The following LGR4 variants were observed in gnomAD, a reference collection of about 807,000 sequenced individuals.
The protein encoded by LGR4 is leucine-rich repeat-containing G protein-coupled receptor 4.
In LGR4, 44 loss-of-function variants were observed where a neutral mutation model predicts 84.8. That is an observed-to-expected ratio of 0.52 (90% confidence interval 0.41 to 0.67). The LOEUF is 0.67. Ranked by LOEUF, LGR4 falls within the 30% of genes least tolerant of loss-of-function variation. LGR4 has a pLI of 0.00. For synonymous variants in LGR4, 429 were observed against 434.3 expected (o/e 0.99, Z 0.15); for missense variants, 1,032 against 1,131.4 (o/e 0.91, Z 1.26).
chr11:27,461,715 T>C (rs10835183), intron 1 of LGR4, among the ~76,000 whole-genome samples: 128,895 of 151,756 alleles, frequency 0.85, 55,443 homozygotes, highest in Non-Finnish European at 0.94. Context: ...TCCAGTGTGG[T>C]CCAGGGAAGC....
At position 27,368,609 on chromosome 11, in the gene LGR4, C is replaced by G; in HGVS notation, c.2114G>C (p.Gly705Ala). ...PFPTGETPSL[G>A]FTVTLVLLNS... ...TAATAGCACTAACGTTACAGTGAAT[C>G]CTAATGATGGCGTTTCACCTGTAGG... The change falls in exon 18 of 18, where the codon GGA becomes GCA. Residue 705 changes from glycine to alanine, a missense_variant. By Grantham distance (60) the Gly-to-Ala change is moderately conservative. Transcript: ENST00000379214. 1.9e-6 allele frequency: 3 copies of G among 1,613,830 alleles called. No individual in the cohort carries two copies. Among genetic ancestry groups the G allele is most frequent in the Non-Finnish European group, 2.5e-6 (3 of 1,179,930 alleles).
chr11:27,468,630 G>A (rs1192108752), intron 1 of LGR4, among the ~76,000 whole-genome samples: 1 of 151,664 alleles, frequency 6.6e-6, no homozygotes, highest in East Asian at 1.9e-4. Flanking sequence ...ACTTCTGGAA[G>A]TAAGCAGCAG....
intron 1 of LGR4, among the ~76,000 whole-genome samples, chr11:27,450,682 G>A (rs1249451580): frequency 6.6e-6 from 1 of 152,094 alleles, no homozygotes; most frequent in Admixed American, 6.6e-5. Context: ...CACCTACTCG[G>A]GAGGCTGAGG....
At chr11:27,383,987 G>GA (rs1271828135) in intron 6 of LGR4, among the ~76,000 whole-genome samples, 2 of 152,080 alleles carry the variant, frequency 1.3e-5, no homozygotes, top group Non-Finnish European at 2.9e-5. Context: ...TGAGATCATG[G>GA]AAAAAATAAC....
At position 27,458,378 on chromosome 11, in the gene LGR4, A is replaced by G. The variant is rs149597078; in HGVS notation, c.185+13740T>C. Among the ~76,000 whole-genome samples, 432 of 152,286 alleles carry G rather than the reference A, an allele frequency of 2.8e-3. 1 individual carries two copies. The highest frequency in any genetic ancestry group is 0.01 in the African/African-American group (416 of 41,550). On this transcript the variant is annotated intron_variant, in intron 1 of 17. Transcript: ENST00000379214. Reference sequence around the variant, plus strand: ...TACAGAGAGGCATGGAAATTCATCAAGTGAAGAAATGCTCTATATCTTCAC... The same window carrying G: ...TACAGAGAGGCATGGAAATTCATCAGGTGAAGAAATGCTCTATATCTTCAC...
chr11:27,371,979 C>T (rs750004368), intron 16 of LGR4, among the ~76,000 whole-genome samples: 4 of 152,174 alleles, frequency 2.6e-5, no homozygotes, highest in Non-Finnish European at 4.4e-5. Flanking sequence ...ATTCTCCCAC[C>T]TCAGTCTCCC....
chr11:27,413,904 C>T (rs905178177), intron 1 of LGR4, among the ~76,000 whole-genome samples: 1 of 152,066 alleles, frequency 6.6e-6, no homozygotes, highest in Non-Finnish European at 1.5e-5. Context: ...ATGCTAGGTA[C>T]GTCCTTTCTC....
chr11:27,410,950 A>T (rs1032475567), intron 2 of LGR4, among the ~76,000 whole-genome samples: 1 of 152,110 alleles, frequency 6.6e-6, no homozygotes, highest in Non-Finnish European at 1.5e-5. Context: ...ATTTTAAGAA[A>T]TCCAAGATGT....
intron 1 of LGR4, among the ~76,000 whole-genome samples, chr11:27,433,470 A>C (rs1409162450): frequency 6.6e-6 from 1 of 150,700 alleles, no homozygotes; most frequent in African/African-American, 2.4e-5. Flanking sequence ...TGACCTTGTA[A>C]TCTGCCCACC....
chr11:27,434,879 T>C (rs1864181167), intron 1 of LGR4, among the ~76,000 whole-genome samples: 1 of 152,070 alleles, frequency 6.6e-6, no homozygotes, highest in Non-Finnish European at 1.5e-5. Context: ...AGCCAAACGG[T>C]ATGATCTTAC....
chr11:27,382,216 T>C lies in LGR4; in HGVS notation c.730A>G (p.Ile244Val), dbSNP rs749872002. 2.0e-5 allele frequency: 33 copies of C among 1,609,902 alleles called. No individual in the cohort carries two copies. The highest frequency in any genetic ancestry group is 2.5e-5 in the Non-Finnish European group (30 of 1,176,610). The change falls in exon 7 of 18, where the codon ATT becomes GTT. Residue 244 changes from isoleucine (I) to valine (V), a missense_variant. Coordinates refer to ENST00000379214, the MANE Select transcript of LGR4 (RefSeq NM_018490.5). ...YNNLGEFPQA[I>V]KALPSLKELG... The stretch of plus-strand genomic sequence containing the variant: ...TCTTTAAGGCTAGGAAGGGCTTTAA[T>C]AGCCTGAGGAAATTCCCCCAAGTTA...
intron 17 of LGR4, among the ~76,000 whole-genome samples, chr11:27,369,744 A>G (rs1862846176): frequency 1.3e-5 from 2 of 152,094 alleles, no homozygotes; most frequent in Non-Finnish European, 2.9e-5. Context: ...ATAATCATGT[A>G]TGTATATGTA....
chr11:27,398,763 C>T (rs1863439107), intron 2 of LGR4, among the ~76,000 whole-genome samples: 1 of 152,196 alleles, frequency 6.6e-6, no homozygotes, highest in African/African-American at 2.4e-5. Flanking sequence ...CCTACCTTCC[C>T]TTTGCAGAGG....
chr11:27,447,111 C>G (rs986753182), intron 1 of LGR4, among the ~76,000 whole-genome samples: 2 of 151,930 alleles, frequency 1.3e-5, no homozygotes, highest in African/African-American at 4.8e-5. Flanking sequence ...GTGCAGCACA[C>G]CAACATGGCA....
intron 3 of LGR4, 114 bp from the exon 4 acceptor site, chr11:27,391,279 G>C (rs878948531): frequency 4.1e-5 from 24 of 585,362 alleles, no homozygotes; most frequent in South Asian, 4.1e-4. Context: ...GGGAAAATGG[G>C]GGGGAGGTGG....
chr11:27,465,093 C>T (rs901474219), intron 1 of LGR4, among the ~76,000 whole-genome samples: 24 of 152,220 alleles, frequency 1.6e-4, no homozygotes, highest in African/African-American at 5.8e-4. Context: ...AAACAGCAGG[C>T]CAGCCTGGGA....
chr11:27,374,114 A>G (rs1331462261), intron 13 of LGR4, 68 bp from the exon 14 acceptor site: 14 of 987,786 alleles, frequency 1.4e-5, no homozygotes, highest in Non-Finnish European at 2.3e-5. Flanking sequence ...CTTAGACTAT[A>G]CTTTAGAATT....
intron 2 of LGR4, among the ~76,000 whole-genome samples, chr11:27,393,941 G>T (rs1161004836): frequency 9.1e-6 from 1 of 109,730 alleles, no homozygotes; most frequent in Non-Finnish European, 1.7e-5. Context: ...CTGAAGATTG[G>T]GGGGGGGGGG....
At chr11:27,417,275 T>C (rs1180452617) in intron 1 of LGR4, among the ~76,000 whole-genome samples, 1 of 152,016 alleles carries the variant, frequency 6.6e-6, no homozygotes. Flanking sequence ...ATGATGGTGA[T>C]GTCCATAAAC....
Sources: allele counts gnomAD v4.1 joint callset (sites outside exome capture counted in the v4.1 genomes callset), GRCh38; gene constraint gnomAD v4.1.1; transcripts MANE v1.5; gene names NCBI Gene and HGNC (gene_info 2026-07-23, HGNC 2026-07-21).